The following ATL3 variants were observed in gnomAD, a reference collection of about 807,000 sequenced individuals.
The protein encoded by ATL3 is atlastin GTPase 3.
A neutral mutation model predicts 69.5 loss-of-function variants in ATL3; 49 were observed. That is an observed-to-expected ratio of 0.71 (90% confidence interval 0.56 to 0.89). The LOEUF is 0.89. Ranked by LOEUF, ATL3 falls within the 40% of genes least tolerant of loss-of-function variation. The pLI, the probability that ATL3 is intolerant of heterozygous loss-of-function variation, is 0.00. For missense variants in ATL3, 606 were observed against 645.7 expected (o/e 0.94, Z 0.67); for synonymous variants, 214 against 224.1 (o/e 0.95, Z 0.40).
At chr11:63,652,134 T>G in intron 4 of ATL3, 148 bp from the exon 5 acceptor site, 1 of 1,389,178 alleles carries the variant, frequency 7.2e-7, no homozygotes, top group East Asian at 2.8e-5. Context: ...GATCTGTCTT[T>G]TGGAAAACTA....
intron 3 of ATL3, among the ~76,000 whole-genome samples, chr11:63,654,891 G>A (rs1388317125): frequency 3.3e-4 from 47 of 140,488 alleles, no homozygotes; most frequent in African/African-American, 1.3e-3. Context: ...GAGCAAGACT[G>A]TCTAAAAAAA....
upstream of ATL3, chr11:63,671,418 G>A (rs1940776553): frequency 6.6e-7 from 1 of 1,517,302 alleles, no homozygotes; most frequent in South Asian, 1.2e-5. Flanking sequence ...GGCCCTGGAA[G>A]CGGGAAACGG....
chr11:63,652,079 A>G (rs971907747), intron 4 of ATL3, 93 bp from the exon 5 acceptor site: 148 of 1,510,168 alleles, frequency 9.8e-5, no homozygotes, highest in Non-Finnish European at 1.3e-4. Flanking sequence ...TTGAACAATT[A>G]AAGACTTGCA....
intron 6 of ATL3, among the ~76,000 whole-genome samples, chr11:63,645,227 G>A (rs1020349179): frequency 4.0e-5 from 6 of 151,840 alleles, no homozygotes; most frequent in Non-Finnish European, 7.4e-5. Flanking sequence ...TCAACATGAT[G>A]AAACCCCATC....
At position 63,666,404 on chromosome 11, in the gene ATL3, G is replaced by A. The variant is rs1484991587; in HGVS notation, c.46+4886C>T. Among the ~76,000 whole-genome samples the A allele has an allele frequency of 2.0e-5, 3 of 152,156 alleles. No homozygotes were observed. In the East Asian group the frequency reaches 5.8e-4, roughly 29 times the overall value. On this transcript the variant is annotated intron_variant, in intron 1 of 12. Transcript: ENST00000398868. Reference sequence around the variant, plus strand: ...TTGCATTTAGTCTAAATGTACAACTGCCTAAGGGACAGATTCACCTGCTTA... The same window carrying A: ...TTGCATTTAGTCTAAATGTACAACTACCTAAGGGACAGATTCACCTGCTTA...
At chr11:63,641,196 G>A (rs1160507566) in intron 8 of ATL3, among the ~76,000 whole-genome samples, 2 of 152,008 alleles carry the variant, frequency 1.3e-5, no homozygotes, top group Non-Finnish European at 2.9e-5. Flanking sequence ...ATCTTGATGA[G>A]GAAACCAAAT....
At position 63,652,557 on chromosome 11, in the gene ATL3, C is replaced by A; in HGVS notation, c.424G>T (p.Asp142Tyr). 6.2e-7 allele frequency: 1 copy of A among 1,610,014 alleles called. No individual in the cohort carries two copies. The highest frequency in any genetic ancestry group is 8.5e-7 in the Non-Finnish European group (1 of 1,177,414). The change falls in exon 4 of 13, where the codon GAT (aspartate) becomes TAT (tyrosine). Residue 142 changes from aspartate (D) to tyrosine (Y), a missense_variant. Transcript: ENST00000398868. ...GGKKVAVVLM[D>Y]TQGAFDSQST... is the part of the protein sequence containing the mutation. ...TGGCTGTCAAATGCCCCCTGGGTAT[C>A]CATCAGAACAACTGCAACCTAAAAA...
chr11:63,662,123 G>A (rs1940440502), intron 1 of ATL3, among the ~76,000 whole-genome samples: 1 of 150,424 alleles, frequency 6.6e-6, no homozygotes, highest in South Asian at 2.1e-4. Flanking sequence ...TGAGGCAGGA[G>A]AATTACTTGA....
At chr11:63,635,479 C>G (rs1007988303) in intron 10 of ATL3, 55 bp downstream of exon 10, 3 of 1,410,404 alleles carry the variant, frequency 2.1e-6, no homozygotes, top group African/African-American at 2.8e-5. Flanking sequence ...TTATTGTATA[C>G]AGGTCAACTC....
rs1345545648 is a variant in ATL3, at chr11:63,628,118, A to G, written c.*1201T>C. The G allele has an allele frequency of 1.3e-5, 2 of 152,228 alleles. No individual in the cohort carries two copies. Among genetic ancestry groups the G allele is most frequent in the African/African-American group, 4.8e-5 (2 of 41,466 alleles). The allele number at this position is 152,228 out of a possible 1,614,324, so 9.4% of individuals were successfully genotyped here. A position where few individuals can be genotyped will look rare whatever the true frequency, so the allele number is the denominator to read the frequency against. ...CAAAACCCCTCAAATGACAATTACA[A>G]GAGTTGTGTAAAACATACATACATA... On this transcript the variant is annotated 3_prime_UTR_variant, in exon 13 of 13. Transcript: ENST00000398868.
chr11:63,625,292 C>A lies in ATL3; in HGVS notation c.*4027G>T, dbSNP rs1017420011. The A allele has an allele frequency of 1.1e-4, 16 of 152,134 alleles. No homozygotes were observed. Among genetic ancestry groups the A allele is most frequent in the African/African-American group, 3.6e-4 (15 of 41,414 alleles). The allele number at this position is 152,134 out of a possible 1,614,324, so 9.4% of individuals were successfully genotyped here. The stretch of plus-strand genomic sequence containing the variant: ...AAAACATATGTAAGCCAGAATGACA[C>A]AGCCATGTTGACAACTTGAGATGGA... On this transcript the variant is annotated 3_prime_UTR_variant, in exon 13 of 13. Coordinates refer to ENST00000398868, the MANE Select transcript of ATL3 (RefSeq NM_015459.5).
intron 1 of ATL3, among the ~76,000 whole-genome samples, chr11:63,659,456 G>C (rs1019644783): frequency 6.6e-6 from 1 of 151,958 alleles, no homozygotes; most frequent in Non-Finnish European, 1.5e-5. Flanking sequence ...GAAACCCAGC[G>C]CTATGAAATT....
At chr11:63,647,187 G>A (rs1180033263) in intron 5 of ATL3, among the ~76,000 whole-genome samples, 1 of 151,906 alleles carries the variant, frequency 6.6e-6, no homozygotes, top group Non-Finnish European at 1.5e-5. Flanking sequence ...TTCCTACTTC[G>A]TGTCTTTAAA....
chr11:63,634,378 G>C (rs1374377564), intron 10 of ATL3, among the ~76,000 whole-genome samples: 1 of 151,330 alleles, frequency 6.6e-6, no homozygotes, highest in Admixed American at 6.6e-5. Context: ...GTGGTGGCAG[G>C]CGCCTGCAGT....
intron 1 of ATL3, among the ~76,000 whole-genome samples, chr11:63,668,582 T>TA (rs1292890170): frequency 1.3e-5 from 2 of 152,186 alleles, no homozygotes; most frequent in African/African-American, 4.8e-5. Flanking sequence ...AAGGATTGTG[T>TA]AATGCTTCAT....
chr11:63,671,505 C>A, upstream of ATL3: 4 of 1,445,924 alleles, frequency 2.8e-6, no homozygotes, highest in Non-Finnish European at 3.6e-6. Context: ...GCAGCGCGGT[C>A]TGCGTGGCCC....
At chr11:63,663,761 T>C (rs937447287) in intron 1 of ATL3, among the ~76,000 whole-genome samples, 3 of 152,232 alleles carry the variant, frequency 2.0e-5, no homozygotes, top group Non-Finnish European at 2.9e-5. Flanking sequence ...GGCAGAGATG[T>C]CTGGTTGTTC....
At chr11:63,662,010 G>A (rs1043383402) in intron 1 of ATL3, among the ~76,000 whole-genome samples, 7 of 151,604 alleles carry the variant, frequency 4.6e-5, no homozygotes, top group Admixed American at 1.3e-4. Context: ...TCAGGAGTTC[G>A]AGACCACCCT....
At chr11:63,666,245 G>T (rs915774932) in intron 1 of ATL3, among the ~76,000 whole-genome samples, 50 of 152,062 alleles carry the variant, frequency 3.3e-4, no homozygotes, top group Non-Finnish European at 8.8e-5. Flanking sequence ...CACCACCTTG[G>T]CCAGGCTGGT....
Sources: allele counts gnomAD v4.1 joint callset (sites outside exome capture counted in the v4.1 genomes callset), GRCh38; gene constraint gnomAD v4.1.1; transcripts MANE v1.5; gene names NCBI Gene and HGNC (gene_info 2026-07-23, HGNC 2026-07-21).